Variants in NCKAP5 observed in about 807,000 individuals in gnomAD.
The protein encoded by NCKAP5 is nck-associated protein 5.
In NCKAP5, 92 loss-of-function variants were observed where a neutral mutation model predicts 167.0. The ratio of observed to expected loss-of-function variants is 0.55; its 90% CI spans 0.47 to 0.66. NCKAP5 has a LOEUF of 0.66. Ranked by LOEUF, NCKAP5 falls within the 30% of genes least tolerant of loss-of-function variation. NCKAP5 has a pLI of 0.00. For synonymous variants in NCKAP5, 891 were observed against 877.4 expected (o/e 1.02, Z -0.27); for missense variants, 2,378 against 2,315.0 (o/e 1.03, Z -0.56).
intron 16 of NCKAP5, among the ~76,000 whole-genome samples, chr2:132,755,513 T>C (rs6430373): frequency 0.61 from 92,902 of 151,950 alleles, 30,347 homozygotes; most frequent in African/African-American, 0.84. Context: ...ATCTAGCTAC[T>C]TTTACCTCAG....
intron 5 of NCKAP5, among the ~76,000 whole-genome samples, chr2:133,172,009 A>G (rs1027338833): frequency 6.6e-6 from 1 of 152,224 alleles, no homozygotes; most frequent in Non-Finnish European, 1.5e-5. Context: ...CTACAATATT[A>G]AAAGTATCTT....
At chr2:133,028,768 G>A (rs2078780426) in intron 6 of NCKAP5, among the ~76,000 whole-genome samples, 1 of 152,168 alleles carries the variant, frequency 6.6e-6, no homozygotes, top group Non-Finnish European at 1.5e-5. Flanking sequence ...GTAGGGCCTG[G>A]TGGGAGGTAA....
chr2:132,970,086 T>A (rs2076788207), intron 7 of NCKAP5, among the ~76,000 whole-genome samples: 1 of 152,196 alleles, frequency 6.6e-6, no homozygotes, highest in African/African-American at 2.4e-5. Context: ...GAAACGTGGC[T>A]ATACCCTATC....
chr2:133,231,927 TA>T (rs2087168949), intron 4 of NCKAP5, among the ~76,000 whole-genome samples: 1 of 152,208 alleles, frequency 6.6e-6, no homozygotes, highest in Non-Finnish European at 1.5e-5. Flanking sequence ...AGACATTTGC[TA>T]AAGCTTTGTG....
At chr2:133,048,676 A>G (rs1432127751) in intron 6 of NCKAP5, among the ~76,000 whole-genome samples, 1 of 152,184 alleles carries the variant, frequency 6.6e-6, no homozygotes, top group African/African-American at 2.4e-5. Flanking sequence ...ATTTTACCAG[A>G]CATGTTTTCC....
chr2:133,167,350 C>T (rs567344040), intron 5 of NCKAP5, among the ~76,000 whole-genome samples: 2 of 152,208 alleles, frequency 1.3e-5, no homozygotes, highest in South Asian at 4.1e-4. Context: ...ATATCCTTGC[C>T]ATCATTAAGA....
At chr2:133,048,075 A>G (rs1002063795) in intron 6 of NCKAP5, among the ~76,000 whole-genome samples, 3 of 152,172 alleles carry the variant, frequency 2.0e-5, no homozygotes, top group African/African-American at 4.8e-5. Context: ...TGGTCTGCAT[A>G]CCTTCCACAG....
chr2:133,472,495 C>CA (rs1679431499), intron 3 of NCKAP5, among the ~76,000 whole-genome samples: 1 of 151,906 alleles, frequency 6.6e-6, no homozygotes, highest in Non-Finnish European at 1.5e-5. Context: ...TTTTTAGGCT[C>CA]CCCTCCACCA....
Position 132,783,466 on chromosome 2 carries a change from G to A in NCKAP5, c.3345C>T (p.Val1115=), listed in dbSNP as rs1683242911. 1 of 1,592,724 alleles carries A rather than the reference G, an allele frequency of 6.3e-7. No individual in the cohort carries two copies. Among genetic ancestry groups the A allele is most frequent in the East Asian group, 2.2e-5 (1 of 44,744 alleles). ...LGVNESPSSQ[V]SSSSSSSSPA... ...GTGATGAGGATGATGAGGAACTGCTGACCTGAGATGATGGTGACTCATTTA... is the reference window on the plus strand; with the variant it reads ...GTGATGAGGATGATGAGGAACTGCTAACCTGAGATGATGGTGACTCATTTA... The change falls in exon 14 of 20, where the codon GTC becomes GTT. Residue 1115 remains valine (V), a synonymous_variant. Transcript: ENST00000409261.
intron 11 of NCKAP5, among the ~76,000 whole-genome samples, chr2:132,808,590 T>G (rs1292190462): frequency 6.6e-6 from 1 of 152,192 alleles, no homozygotes; most frequent in Non-Finnish European, 1.5e-5. Flanking sequence ...TGTATTTCAG[T>G]GGCGTCAGTT....
At chr2:133,262,599 G>C (rs150773629) in intron 4 of NCKAP5, among the ~76,000 whole-genome samples, 6 of 152,352 alleles carry the variant, frequency 3.9e-5, no homozygotes, top group Admixed American at 2.6e-4. Flanking sequence ...TTTATTAGGA[G>C]AAAGAGGATG....
intron 3 of NCKAP5, among the ~76,000 whole-genome samples, chr2:133,461,486 C>T (rs949873021): frequency 6.6e-6 from 1 of 152,136 alleles, no homozygotes; most frequent in Admixed American, 6.6e-5. Flanking sequence ...TCTCTCTCAC[C>T]TGGTCTCAGT....
intron 11 of NCKAP5, among the ~76,000 whole-genome samples, chr2:132,834,341 A>C (rs1023130401): frequency 4.0e-5 from 6 of 151,490 alleles, no homozygotes; most frequent in Non-Finnish European, 1.5e-5. Context: ...TTCTTTATTT[A>C]TCTCTTTGTT....
intron 6 of NCKAP5, among the ~76,000 whole-genome samples, chr2:133,060,363 A>G (rs1367078558): frequency 6.6e-6 from 1 of 152,262 alleles, no homozygotes; most frequent in East Asian, 1.9e-4. Flanking sequence ...CCTAGAGAAT[A>G]TACCCATCAT....
intron 16 of NCKAP5, among the ~76,000 whole-genome samples, chr2:132,733,224 T>C (rs1406123714): frequency 6.6e-6 from 1 of 152,224 alleles, no homozygotes; most frequent in Admixed American, 6.5e-5. Context: ...GAAAGTCTCC[T>C]GTTCATATGA....
chr2:133,457,388 ACT>A (rs1691927974), intron 3 of NCKAP5, among the ~76,000 whole-genome samples: 1 of 152,048 alleles, frequency 6.6e-6, no homozygotes. Context: ...ACCACTGAGA[ACT>A]CTTTCTCATT....
chr2:132,956,622 C>T (rs930354847), intron 8 of NCKAP5, among the ~76,000 whole-genome samples: 2 of 152,126 alleles, frequency 1.3e-5, no homozygotes, highest in African/African-American at 2.4e-5. Context: ...AAGAGTTTCT[C>T]TTGTACCCTA....
intron 4 of NCKAP5, among the ~76,000 whole-genome samples, chr2:133,242,570 T>G (rs1181552937): frequency 3.3e-5 from 5 of 152,176 alleles, no homozygotes; most frequent in South Asian, 4.1e-4. Flanking sequence ...CTAACGGAGA[T>G]TCTACCTTTA....
At chr2:133,558,054 A>G (rs1245786515) in intron 2 of NCKAP5, 2 of 152,244 alleles carry the variant, frequency 1.3e-5, no homozygotes, top group African/African-American at 4.8e-5. Flanking sequence ...TATGTCCTTT[A>G]GCTGGCTCAT....
Sources: allele counts gnomAD v4.1 joint callset (sites outside exome capture counted in the v4.1 genomes callset), GRCh38; gene constraint gnomAD v4.1.1; transcripts MANE v1.5; gene names NCBI Gene and HGNC (gene_info 2026-07-23, HGNC 2026-07-21).